TNS3: variants seen among roughly 807,000 people sequenced by gnomAD.
TNS3 encodes tensin-3.
TNS3 carries 45 observed loss-of-function variants against 140.9 expected under a neutral mutation model. The ratio of observed to expected loss-of-function variants is 0.32; its 90% CI spans 0.25 to 0.41. TNS3 has a LOEUF of 0.41. Among genes scored for constraint, TNS3 ranks in the 10% least tolerant of loss-of-function variants. TNS3 has a pLI of 1.00. For synonymous variants in TNS3, 815 were observed against 788.4 expected (o/e 1.03, Z -0.56); for missense variants, 1,716 against 1,906.7 (o/e 0.90, Z 1.86).
intron 24 of TNS3, 119 bp downstream of exon 24, chr7:47,296,963 C>G (rs1399449334): frequency 3.1e-6 from 4 of 1,278,328 alleles, no homozygotes; most frequent in Non-Finnish European, 4.3e-6. Context: ...AAAATAAATA[C>G]TAAGAATAAA....
chr7:47,533,717 G>A (rs1268895417), intron 1 of TNS3, among the ~76,000 whole-genome samples: 7 of 152,142 alleles, frequency 4.6e-5, no homozygotes, highest in African/African-American at 9.6e-5. Context: ...GAATCATGGC[G>A]GCAGGTCTTT....
At chr7:47,317,838 G>C (rs190444404) in intron 20 of TNS3, among the ~76,000 whole-genome samples, 18 of 152,290 alleles carry the variant, frequency 1.2e-4, no homozygotes, top group African/African-American at 3.8e-4. Context: ...GAGACAGAGA[G>C]AGAGACCCAC....
intron 4 of TNS3, among the ~76,000 whole-genome samples, chr7:47,473,389 T>G (rs1797039133): frequency 6.6e-6 from 1 of 152,188 alleles, no homozygotes; most frequent in Non-Finnish European, 1.5e-5. Flanking sequence ...GAACTCAATT[T>G]CACTGTGACT....
At chr7:47,306,015 C>T (rs551707216) in intron 20 of TNS3, among the ~76,000 whole-genome samples, 1 of 152,250 alleles carries the variant, frequency 6.6e-6, no homozygotes, top group East Asian at 1.9e-4. Flanking sequence ...TATCACCTCA[C>T]ATGCTTGAAA....
chr7:47,458,779 G>A (rs908414205), intron 4 of TNS3, among the ~76,000 whole-genome samples: 6 of 152,298 alleles, frequency 3.9e-5, no homozygotes, highest in Admixed American at 3.9e-4. Context: ...GAAGAGCAGG[G>A]CCTCACTGCC....
chr7:47,398,436 GC>G (rs1483479358), intron 15 of TNS3, among the ~76,000 whole-genome samples: 1 of 152,044 alleles, frequency 6.6e-6, no homozygotes, highest in Admixed American at 6.5e-5. Context: ...CAAAATACTA[GC>G]TAACTGAATC....
At chr7:47,300,414 C>T (rs1283940107) in intron 23 of TNS3, among the ~76,000 whole-genome samples, 5 of 152,238 alleles carry the variant, frequency 3.3e-5, no homozygotes, top group Middle Eastern at 3.2e-3. Context: ...CACATGCCAA[C>T]AGCAGCCCCT....
intron 11 of TNS3, 83 bp from the exon 12 acceptor site, chr7:47,414,080 A>G: frequency 6.9e-7 from 1 of 1,447,996 alleles, no homozygotes; most frequent in East Asian, 2.3e-5. Context: ...ACAGAAAGCG[A>G]CGAGGAGACC....
rs530738279 is a variant in TNS3 at position 47,570,700 on chromosome 7, G to A, written c.-265+11351C>T. Among the ~76,000 whole-genome samples, 16 of 152,326 alleles carry A rather than the reference G, an allele frequency of 1.1e-4. No individual in the cohort carries two copies. In the South Asian group the frequency reaches 2.3e-3, roughly 22 times the overall value. On this transcript the variant is annotated intron_variant, in intron 1 of 30. Transcript: ENST00000311160. ...TAGTGAAGTGTGCCCAGTGAGCACC[G>A]GATTGGGAGGCCAGCCCCTGGCTGT...
At chr7:47,300,857 T>C (rs914677465) in intron 23 of TNS3, among the ~76,000 whole-genome samples, 1 of 152,222 alleles carries the variant, frequency 6.6e-6, no homozygotes, top group Non-Finnish European at 1.5e-5. Context: ...CCCTCAGCCA[T>C]GGTGAGCAGT....
intron 23 of TNS3, among the ~76,000 whole-genome samples, chr7:47,301,282 C>T (rs969974340): frequency 6.6e-6 from 1 of 152,134 alleles, no homozygotes; most frequent in Non-Finnish European, 1.5e-5. Context: ...ATCCTGACTC[C>T]GTCTTCCAGG....
chr7:47,369,217 T>A lies in TNS3; in HGVS notation c.1429A>T (p.Ile477Phe). ...DAALKDRETDILDDEMPHHDL... is the reference protein window; with the variant it reads ...DAALKDRETDFLDDEMPHHDL... ...TGGTGGGGCATCTCGTCATCCAGAA[T>A]GTCTGTCTCCCGATCCTTCAGAGCA... The change falls in exon 17 of 31, where the codon ATT becomes TTT. Residue 477 changes from isoleucine to phenylalanine, a missense_variant. By Grantham distance (21) the Ile-to-Phe change is conservative. Transcript: ENST00000311160. 1 of 1,614,216 alleles carries A rather than the reference T, an allele frequency of 6.2e-7. No homozygotes were observed.
At chr7:47,298,284 G>A (rs1288702803) in intron 23 of TNS3, among the ~76,000 whole-genome samples, 2 of 152,204 alleles carry the variant, frequency 1.3e-5, no homozygotes, top group Non-Finnish European at 2.9e-5. Flanking sequence ...CATTCCCCAT[G>A]TGCCCGCCAA....
intron 5 of TNS3, among the ~76,000 whole-genome samples, chr7:47,440,024 G>A (rs987251473): frequency 2.6e-5 from 4 of 152,258 alleles, no homozygotes; most frequent in South Asian, 2.1e-4. Flanking sequence ...GGTTCCAGGC[G>A]GGACTCCTGG....
At chr7:47,503,596 T>TTAAA in intron 3 of TNS3, among the ~76,000 whole-genome samples, 1 of 152,112 alleles carries the variant, frequency 6.6e-6, no homozygotes, top group South Asian at 2.1e-4. Context: ...TCCCTGAAAC[T>TTAAA]TAAGTATTAA....
At chr7:47,571,168 T>C (rs558152973) in intron 1 of TNS3, among the ~76,000 whole-genome samples, 1 of 152,130 alleles carries the variant, frequency 6.6e-6, no homozygotes, top group African/African-American at 2.4e-5. Context: ...CAACCACAGA[T>C]GAAAGAAAAG....
At chr7:47,521,468 G>T (rs1244006242) in intron 2 of TNS3, among the ~76,000 whole-genome samples, 1 of 152,198 alleles carries the variant, frequency 6.6e-6, no homozygotes, top group Non-Finnish European at 1.5e-5. Context: ...ACAGGCATCT[G>T]GTGAACAACA....
chr7:47,415,306 C>G (rs1794018273), intron 10 of TNS3, 100 bp from the exon 11 acceptor site: 1 of 797,606 alleles, frequency 1.3e-6, no homozygotes, highest in Non-Finnish European at 2.0e-6. Context: ...GTCTGGGGCT[C>G]TGGGAGAGAA....
intron 6 of TNS3, 50 bp downstream of exon 6, chr7:47,439,437 T>C (rs1795350423): frequency 1.3e-6 from 2 of 1,597,774 alleles, no homozygotes; most frequent in Non-Finnish European, 1.7e-6. Context: ...CCCTACACAG[T>C]GCCTGCTGCA....
Sources: allele counts gnomAD v4.1 joint callset (sites outside exome capture counted in the v4.1 genomes callset), GRCh38; gene constraint gnomAD v4.1.1; transcripts MANE v1.5; gene names NCBI Gene and HGNC (gene_info 2026-07-23, HGNC 2026-07-21).